Variants in SPATA31H1 observed in about 807,000 individuals in gnomAD.
SPATA31H1 encodes the protein spermatogenesis-associated protein 31H1.
At chr2:27,565,232 T>C in the SPATA31H1 span, 1 of 648,690 alleles carries the variant, frequency 1.5e-6, no homozygotes, top group Non-Finnish European at 2.8e-6. Context: ...ATCTGATACA[T>C]GAGATGTATC....
At chr2:27,544,506 T>G in the SPATA31H1 span, among the ~76,000 whole-genome samples, 1 of 151,500 alleles carries the variant, frequency 6.6e-6, no homozygotes, top group Non-Finnish European at 1.5e-5. Flanking sequence ...ATAATGTGTT[T>G]GAGATTCATC....
At chr2:27,577,563 G>C in the SPATA31H1 span, 7 of 1,614,028 alleles carry the variant, frequency 4.3e-6, no homozygotes, top group Admixed American at 1.0e-4. This position sits in a 1 kb window ranked among gnomAD's most constrained non-coding sequence, Gnocchi z 4.5. Flanking sequence ...GCAAGGGGAA[G>C]AATCTGTGGT....
the SPATA31H1 span, chr2:27,579,603 G>T: frequency 6.2e-7 from 1 of 1,614,226 alleles, no homozygotes; most frequent in East Asian, 2.2e-5. Flanking sequence ...ATCCCAAGAA[G>T]TCATTCAACA....
chr2:27,572,760 G>A, the SPATA31H1 span: 1 of 397,840 alleles, frequency 2.5e-6, no homozygotes, highest in Middle Eastern at 6.3e-4. Context: ...CAAACCTGGA[G>A]AGTCGAAATC....
the SPATA31H1 span, among the ~76,000 whole-genome samples, chr2:27,539,121 TTTTTTAA>T: frequency 7.6e-6 from 1 of 131,160 alleles, no homozygotes; most frequent in South Asian, 2.2e-4. Context: ...TTTTTTTTTT[TTTTTTAA>T]TTGATCATTC....
chr2:27,541,514 A>T, the SPATA31H1 span, among the ~76,000 whole-genome samples: 1 of 152,032 alleles, frequency 6.6e-6, no homozygotes, highest in African/African-American at 2.4e-5. Flanking sequence ...ACTGGCTGGC[A>T]TATAGTAAGT....
chr2:27,582,294 AC>A, the SPATA31H1 span: 3 of 1,614,070 alleles, frequency 1.9e-6, no homozygotes, highest in Non-Finnish European at 2.5e-6. Flanking sequence ...CTGTGAGAGA[AC>A]CCGTCACAGT....
At chr2:27,582,333 T>A in the SPATA31H1 span, 1 of 1,614,032 alleles carries the variant, frequency 6.2e-7, no homozygotes, top group Non-Finnish European at 8.5e-7. Flanking sequence ...AGGGAGGCCC[T>A]CTGGGAGGAA....
At chr2:27,543,139 T>C in the SPATA31H1 span, among the ~76,000 whole-genome samples, 287 of 152,058 alleles carry the variant, frequency 1.9e-3, 5 homozygotes, top group African/African-American at 6.6e-3. Context: ...CCAAAGCTAA[T>C]TGTGTCACTC....
At chr2:27,547,092 A>T in the SPATA31H1 span, among the ~76,000 whole-genome samples, 4 of 151,638 alleles carry the variant, frequency 2.6e-5, no homozygotes, top group Admixed American at 2.0e-4. Flanking sequence ...TGGTCTGCCT[A>T]TCCTCACACT....
At chr2:27,553,191 C>T in the SPATA31H1 span, among the ~76,000 whole-genome samples, 2 of 152,084 alleles carry the variant, frequency 1.3e-5, no homozygotes, top group African/African-American at 4.8e-5. Flanking sequence ...AATGGTCCCT[C>T]TTTTTGAAAC....
chr2:27,549,259 T>C, the SPATA31H1 span, among the ~76,000 whole-genome samples: 1 of 151,860 alleles, frequency 6.6e-6, no homozygotes, highest in Non-Finnish European at 1.5e-5. Context: ...GAAGAAGATA[T>C]TTCATAGGTG....
At chr2:27,556,285 T>C in the SPATA31H1 span, among the ~76,000 whole-genome samples, 10 of 68,346 alleles carry the variant, frequency 1.5e-4, no homozygotes, top group Admixed American at 5.0e-4. Context: ...TGGAAAGCCC[T>C]TTTTTTTTTT....
At chr2:27,581,336 G>A in the SPATA31H1 span, 2,017 of 1,608,392 alleles carry the variant, frequency 1.3e-3, 14 homozygotes, top group South Asian at 2.5e-3. Context: ...CCTCTCAGAG[G>A]AGCCACTGCA....
the SPATA31H1 span, chr2:27,568,956 G>A: frequency 2.5e-5 from 10 of 398,712 alleles, no homozygotes; most frequent in Non-Finnish European, 4.4e-5. Context: ...GATGATCTCC[G>A]GACCAGGATA....
the SPATA31H1 span, chr2:27,580,465 GAAA>G: frequency 6.2e-7 from 1 of 1,614,136 alleles, no homozygotes; most frequent in Non-Finnish European, 8.5e-7. Flanking sequence ...AAGCGACTTA[GAAA>G]ACACAGAAAG....
chr2:27,581,813 G>A, the SPATA31H1 span: 9 of 1,610,222 alleles, frequency 5.6e-6, no homozygotes, highest in African/African-American at 2.7e-5. Context: ...GTCCCTCTGA[G>A]AGAAGACATC....
At chr2:27,580,494 A>T in the SPATA31H1 span, 44 of 1,614,140 alleles carry the variant, frequency 2.7e-5, no homozygotes, top group Admixed American at 7.2e-4. Flanking sequence ...CACAAACAGT[A>T]GAACCACAAT....
chr2:27,547,177 C>CT, the SPATA31H1 span, among the ~76,000 whole-genome samples: 1,274 of 137,822 alleles, frequency 9.2e-3, 9 homozygotes, highest in Middle Eastern at 0.019. Flanking sequence ...CAACTTTGAT[C>CT]TTTTTTTTTT....
Sources: allele counts gnomAD v4.1 joint callset (sites outside exome capture counted in the v4.1 genomes callset), GRCh38; gene constraint gnomAD v4.1.1; non-coding constraint Gnocchi (gnomAD v3.1); transcripts MANE v1.5; gene names NCBI Gene and HGNC (gene_info 2026-07-23, HGNC 2026-07-21).